DPP6: variants seen among roughly 807,000 people sequenced by gnomAD.
DPP6 encodes the protein dipeptidyl peptidase like 6.
A neutral mutation model predicts 122.6 loss-of-function variants in DPP6; 69 were observed. The ratio of observed to expected loss-of-function variants is 0.56; its 90% CI spans 0.46 to 0.69. DPP6 has a LOEUF of 0.69. DPP6 is among the 30% of genes least tolerant of loss of function. The pLI is 0.00. For synonymous variants in DPP6, 418 were observed against 433.1 expected (o/e 0.97, Z 0.43); for missense variants, 928 against 1,116.9 (o/e 0.83, Z 2.41).
chr7:154,515,315 C>G (rs954900568), intron 3 of DPP6, among the ~76,000 whole-genome samples: 2 of 152,204 alleles, frequency 1.3e-5, no homozygotes, highest in Non-Finnish European at 2.9e-5. Context: ...AGATTGTTTC[C>G]TTCCTCATGG....
At chr7:154,085,698 T>C (rs1804355976) in intron 1 of DPP6, among the ~76,000 whole-genome samples, 1 of 152,080 alleles carries the variant, frequency 6.6e-6, no homozygotes. Context: ...ACTTTAACTT[T>C]CCTAGTATGC....
the DPP6 span, among the ~76,000 whole-genome samples, chr7:153,841,821 C>T: frequency 3.3e-5 from 5 of 152,214 alleles, no homozygotes; most frequent in Admixed American, 3.3e-4. Context: ...ATCTAACACA[C>T]TCCAAGAAAA....
At chr7:154,756,355 C>A (rs1406959066) in intron 8 of DPP6, among the ~76,000 whole-genome samples, 2 of 152,170 alleles carry the variant, frequency 1.3e-5, no homozygotes, top group East Asian at 3.9e-4. Flanking sequence ...CGTCTCCAGG[C>A]CCCCGAGGCT....
chr7:154,194,624 A>G (rs993765544), intron 1 of DPP6, among the ~76,000 whole-genome samples: 1 of 152,214 alleles, frequency 6.6e-6, no homozygotes, highest in African/African-American at 2.4e-5. Context: ...AAATGGAACC[A>G]TATAGGATGA....
chr7:154,505,066 A>C (rs772955993), intron 3 of DPP6, among the ~76,000 whole-genome samples: 1 of 152,150 alleles, frequency 6.6e-6, no homozygotes, highest in Non-Finnish European at 1.5e-5. Flanking sequence ...TATGATTTAC[A>C]CTTGTGTTCT....
At chr7:154,117,198 T>C (rs1807052070) in intron 1 of DPP6, among the ~76,000 whole-genome samples, 1 of 152,096 alleles carries the variant, frequency 6.6e-6, no homozygotes, top group African/African-American at 2.4e-5. Flanking sequence ...ATTTTATTAT[T>C]TAAATTTTAA....
At chr7:154,006,931 C>G (rs542716918) in intron 1 of DPP6, among the ~76,000 whole-genome samples, 8 of 152,338 alleles carry the variant, frequency 5.3e-5, no homozygotes, top group African/African-American at 1.9e-4. Flanking sequence ...GCTACCTCCC[C>G]CTGAAAGGGG....
intron 3 of DPP6, among the ~76,000 whole-genome samples, chr7:154,515,847 A>G (rs1826450834): frequency 1.3e-5 from 2 of 152,134 alleles, no homozygotes; most frequent in Admixed American, 1.3e-4. Flanking sequence ...CTAAGTTCCC[A>G]CAGTGCACGG....
chr7:154,724,026 T>C (rs935167096), intron 7 of DPP6, among the ~76,000 whole-genome samples: 3 of 152,126 alleles, frequency 2.0e-5, no homozygotes, highest in Admixed American at 1.3e-4. Context: ...AGACATGAGG[T>C]GGTTCCTGGG....
At chr7:154,654,572 C>G (rs1438954620) in intron 6 of DPP6, among the ~76,000 whole-genome samples, 1 of 151,844 alleles carries the variant, frequency 6.6e-6, no homozygotes, top group Non-Finnish European at 1.5e-5. Flanking sequence ...GCGCATGCCA[C>G]CACACCCAGC....
intron 1 of DPP6, among the ~76,000 whole-genome samples, chr7:154,187,754 A>G (rs1798419478): frequency 6.6e-6 from 1 of 151,988 alleles, no homozygotes; most frequent in Non-Finnish European, 1.5e-5. Flanking sequence ...AGTTTTTCTC[A>G]CCTGTAAAAT....
chr7:154,690,503 C>T (rs932472364), intron 7 of DPP6, among the ~76,000 whole-genome samples: 1 of 152,100 alleles, frequency 6.6e-6, no homozygotes, highest in African/African-American at 2.4e-5. Context: ...TGGAACGGTG[C>T]CCATGAGACT....
At chr7:154,536,777 C>G (rs1828292550) in intron 3 of DPP6, among the ~76,000 whole-genome samples, 1 of 152,134 alleles carries the variant, frequency 6.6e-6, no homozygotes, top group Non-Finnish European at 1.5e-5. Flanking sequence ...CCATGTGACC[C>G]AATGACTGCA....
rs182122349 is a variant in DPP6, at chr7:154,080,133, A to G, written c.243+27070A>G. On this transcript the variant is annotated intron_variant, in intron 1 of 25. Coordinates refer to ENST00000377770, the MANE Select transcript of DPP6 (RefSeq NM_130797.4). The stretch of plus-strand genomic sequence containing the variant: ...AAGGTCACTTTTCATAACACTTTGC[A>G]TGGAGAAGGAGTACAAGGGAAGTCA... Among the ~76,000 whole-genome samples the G allele has an allele frequency of 3.9e-5, 6 of 152,136 alleles. No individual in the cohort carries two copies. In the East Asian group the frequency reaches 1.2e-3, roughly 29 times the overall value.
intron 1 of DPP6, among the ~76,000 whole-genome samples, chr7:154,073,472 T>G: frequency 6.6e-6 from 1 of 152,282 alleles, no homozygotes; most frequent in African/African-American, 2.4e-5. Flanking sequence ...TGATCACACT[T>G]AGTGTTTTAT....
chr7:154,442,334 G>A (rs1014115115), intron 1 of DPP6, among the ~76,000 whole-genome samples: 1 of 152,180 alleles, frequency 6.6e-6, no homozygotes, highest in Admixed American at 6.5e-5. Flanking sequence ...TAAATTAATA[G>A]TGGAACAGTG....
chr7:154,182,551 A>T (rs1798145561), intron 1 of DPP6, among the ~76,000 whole-genome samples: 1 of 152,090 alleles, frequency 6.6e-6, no homozygotes, highest in African/African-American at 2.4e-5. Flanking sequence ...ATAATGTAAC[A>T]TGTGCCCGGG....
intron 1 of DPP6, among the ~76,000 whole-genome samples, chr7:154,206,483 A>G (rs1799454441): frequency 1.3e-5 from 2 of 152,184 alleles, no homozygotes; most frequent in African/African-American, 4.8e-5. Flanking sequence ...GGGTCATAAC[A>G]GCTCGCAAAG....
rs574589149 is a variant in DPP6 at position 153,970,557 on chromosome 7, A to G, written c.51+82823A>G. Among the ~76,000 whole-genome samples the G allele has an allele frequency of 2.6e-5, 4 of 152,270 alleles. No individual in the cohort carries two copies. The East Asian group carries it at 7.7e-4, about 29-fold the overall frequency. On this transcript the variant is annotated intron_variant, in intron 1 of 25. Coordinates refer to the DPP6 transcript ENST00000404039. ...TTTTGACTGTCATACTCTATTTAAGAAAGTTTTGTCTCAGCCAAGGTCATT... is the reference window on the plus strand; with the variant it reads ...TTTTGACTGTCATACTCTATTTAAGGAAGTTTTGTCTCAGCCAAGGTCATT...
Sources: gnomAD v4.1 joint callset for allele counts (sites outside exome capture counted in the v4.1 genomes callset) on GRCh38, gnomAD v4.1.1 for gene constraint, MANE v1.5 for transcripts, NCBI Gene and HGNC (gene_info 2026-07-23, HGNC 2026-07-21) for gene names.